The following RAB38 variants were observed in gnomAD, a reference collection of about 807,000 sequenced individuals.
The protein encoded by RAB38 is RAB38, member RAS oncogene family.
RAB38 carries 15 observed loss-of-function variants against 18.4 expected under a neutral mutation model. That is an observed-to-expected ratio of 0.82 (90% confidence interval 0.55 to 1.26). The LOEUF is 1.26. Among genes scored for constraint, RAB38 ranks in the 50% most tolerant of loss-of-function variants. The probability of loss-of-function intolerance (pLI) is 0.00; values close to 1 mark genes in which losing one functional copy is unlikely to be tolerated. For missense variants in RAB38, 294 were observed against 267.4 expected, an observed-to-expected ratio of 1.10 and a Z score of -0.69; for synonymous variants, 101 against 104.4, an observed-to-expected ratio of 0.97 and a Z score of 0.20.
the RAB38 span, among the ~76,000 whole-genome samples, chr11:87,938,584 T>C: frequency 6.6e-6 from 1 of 151,742 alleles, no homozygotes; most frequent in African/African-American, 2.4e-5. Context: ...TTGAAAGGTT[T>C]TTTTTTCTTT....
the RAB38 span, among the ~76,000 whole-genome samples, chr11:87,970,630 G>A: frequency 1.3e-5 from 2 of 152,004 alleles, no homozygotes; most frequent in Non-Finnish European, 2.9e-5. Context: ...TAAAATGAAA[G>A]ACTTAAACTG....
At chr11:88,076,411 G>A in the RAB38 span, among the ~76,000 whole-genome samples, 3 of 152,062 alleles carry the variant, frequency 2.0e-5, no homozygotes, top group Non-Finnish European at 4.4e-5. Flanking sequence ...TGTAATACTA[G>A]GAGTCCTGGC....
chr11:87,977,568 C>T, the RAB38 span, among the ~76,000 whole-genome samples: 3 of 114,356 alleles, frequency 2.6e-5, no homozygotes, highest in South Asian at 2.6e-4. Context: ...ATATAATATA[C>T]TTATGTAACA....
the RAB38 span, among the ~76,000 whole-genome samples, chr11:87,894,659 G>T: frequency 6.6e-6 from 1 of 151,188 alleles, no homozygotes; most frequent in Admixed American, 6.6e-5. Context: ...TTGAAATAAC[G>T]TCAAGTATGC....
chr11:88,083,310 T>A, the RAB38 span, among the ~76,000 whole-genome samples: 49 of 152,028 alleles, frequency 3.2e-4, no homozygotes, highest in Middle Eastern at 3.4e-3. Context: ...ATGTGCATTA[T>A]ATATTTTTGA....
the RAB38 span, among the ~76,000 whole-genome samples, chr11:87,949,962 A>G: frequency 4.6e-5 from 7 of 152,236 alleles, no homozygotes; most frequent in East Asian, 1.2e-3. Context: ...TTTCTGTCTC[A>G]TTGATCTGTC....
chr11:88,117,385 GAGC>G (rs1942568842), intron 2 of RAB38, among the ~76,000 whole-genome samples: 1 of 152,172 alleles, frequency 6.6e-6, no homozygotes, highest in East Asian at 1.9e-4. Flanking sequence ...TTGTCAAGTA[GAGC>G]CATTGAGGGT....
At chr11:88,020,708 T>G in the RAB38 span, among the ~76,000 whole-genome samples, 1 of 152,120 alleles carries the variant, frequency 6.6e-6, no homozygotes, top group Non-Finnish European at 1.5e-5. Flanking sequence ...AGGTCACAAA[T>G]GTGTTAAAAC....
intron 2 of RAB38, among the ~76,000 whole-genome samples, chr11:88,129,380 C>T (rs1312939672): frequency 1.3e-5 from 2 of 152,154 alleles, no homozygotes; most frequent in Admixed American, 6.6e-5. Context: ...GCGGCTCACA[C>T]CTATAATCCC....
chr11:88,118,147 C>G (rs571526243), intron 2 of RAB38, among the ~76,000 whole-genome samples: 88 of 152,312 alleles, frequency 5.8e-4, no homozygotes, highest in African/African-American at 1.8e-3. Flanking sequence ...AGCTCCCCCC[C>G]AAATATATCC....
At chr11:88,148,312 A>T (rs1943017211) in intron 2 of RAB38, among the ~76,000 whole-genome samples, 1 of 152,222 alleles carries the variant, frequency 6.6e-6, no homozygotes, top group African/African-American at 2.4e-5. Context: ...AAGTGGCACC[A>T]CTGCCCTTTT....
the RAB38 span, among the ~76,000 whole-genome samples, chr11:88,035,284 C>T: frequency 6.6e-6 from 1 of 152,120 alleles, no homozygotes. Context: ...ATAGTTAATG[C>T]TTTTTCTTCA....
At chr11:88,074,134 G>T in the RAB38 span, among the ~76,000 whole-genome samples, 1 of 151,830 alleles carries the variant, frequency 6.6e-6, no homozygotes, top group African/African-American at 2.4e-5. Flanking sequence ...TAACAGAAAT[G>T]TTTCCAAAGC....
At chr11:87,846,932 G>T in the RAB38 span, among the ~76,000 whole-genome samples, 1 of 151,734 alleles carries the variant, frequency 6.6e-6, no homozygotes, top group African/African-American at 2.4e-5. Flanking sequence ...ATAATTCATG[G>T]GTCAACGCCC....
chr11:87,821,644 G>C, the RAB38 span, among the ~76,000 whole-genome samples: 1 of 152,006 alleles, frequency 6.6e-6, no homozygotes, highest in Non-Finnish European at 1.5e-5. Flanking sequence ...GAGGTCAGGA[G>C]TTTGAGACCA....
the RAB38 span, among the ~76,000 whole-genome samples, chr11:88,083,836 G>A: frequency 6.6e-6 from 1 of 152,050 alleles, no homozygotes; most frequent in South Asian, 2.1e-4. Flanking sequence ...ACACACCGAT[G>A]CTTAGATTTT....
At chr11:87,869,750 C>T in the RAB38 span, among the ~76,000 whole-genome samples, 4 of 151,592 alleles carry the variant, frequency 2.6e-5, no homozygotes, top group Admixed American at 2.0e-4. Flanking sequence ...GACATCCCAT[C>T]TACACAACAC....
the RAB38 span, among the ~76,000 whole-genome samples, chr11:88,101,452 T>A: frequency 2.0e-5 from 3 of 151,942 alleles, no homozygotes; most frequent in Non-Finnish European, 1.5e-5. Flanking sequence ...TGATTTATAT[T>A]CACCTTCAAA....
chr11:88,072,979 C>T, the RAB38 span, among the ~76,000 whole-genome samples: 1 of 152,080 alleles, frequency 6.6e-6, no homozygotes, highest in East Asian at 1.9e-4. Context: ...TCAGAGCGAA[C>T]AATAAGAGAA....
Sources: allele counts gnomAD v4.1 joint callset (sites outside exome capture counted in the v4.1 genomes callset), GRCh38; gene constraint gnomAD v4.1.1; transcripts MANE v1.5; gene names NCBI Gene and HGNC (gene_info 2026-07-23, HGNC 2026-07-21).